The following ZNF311 variants were observed in gnomAD, a reference collection of about 807,000 sequenced individuals.
ZNF311 encodes the protein zinc finger protein 311, also known as zinc finger protein zfp31.
A neutral mutation model predicts 22.7 loss-of-function variants in ZNF311; 14 were observed. The ratio of observed to expected loss-of-function variants is 0.62; its 90% confidence interval spans 0.41 to 0.96. ZNF311 has a LOEUF of 0.96. Among genes scored for constraint, ZNF311 ranks in the 40% least tolerant of loss-of-function variants. The probability of loss-of-function intolerance (pLI) is 0.00; values close to 1 mark genes in which losing one functional copy is unlikely to be tolerated. For synonymous variants in ZNF311, 250 were observed against 275.3 expected, an observed-to-expected ratio of 0.91 and a Z score of 0.91; for missense variants, 731 against 799.0, an observed-to-expected ratio of 0.91 and a Z score of 1.03.
At chr6:29,002,371 T>G (rs1412494437) in intron 3 of ZNF311, among the ~76,000 whole-genome samples, 31 of 152,144 alleles carry the variant, frequency 2.0e-4, no homozygotes, top group Admixed American at 2.0e-3. Context: ...TATAAAAAAT[T>G]TATGTTCTAT....
rs1779403970 is a variant in ZNF311 at position 28,995,644 on chromosome 6, C to A, written c.1358G>T (p.Ser453Ile). Residue 453 changes from serine (S) to isoleucine (I), a missense_variant, in exon 7 of 7, where the codon AGC (serine) becomes ATC (isoleucine). Physicochemically the swap from Ser to Ile is moderately radical, Grantham distance 142. Coordinates refer to ENST00000377179, the MANE Select transcript of ZNF311 (RefSeq NM_001382360.1). This position sits in a 1 kb window ranked among gnomAD's most constrained non-coding sequence, Gnocchi z 4.7. ...YGCPQCGKDF[S>I]IKAELTKHRR... ...GTGTTTGGTGAGTTCTGCCTTGATG[C>A]TGAAGTCTTTTCCACACTGGGGACA... 6.2e-7 allele frequency: 1 copy of A among 1,613,344 alleles called. No individual in the cohort carries two copies. Among genetic ancestry groups the A allele is most frequent in the South Asian group, 1.1e-5 (1 of 91,084 alleles).
intron 5 of ZNF311, 126 bp downstream of exon 5, chr6:28,999,361 G>T: frequency 1.0e-6 from 1 of 978,872 alleles, no homozygotes; most frequent in Non-Finnish European, 1.3e-6. Context: ...CTTAATTTTT[G>T]GGCAAGATCC....
chr6:28,995,338 T>G lies in ZNF311; in HGVS notation c.1664A>C (p.His555Pro). 6.2e-7 allele frequency: 1 copy of G among 1,614,078 alleles called. No individual in the cohort carries two copies. Among genetic ancestry groups the G allele is most frequent in the Non-Finnish European group, 8.5e-7 (1 of 1,180,038 alleles). ...HRRIHTGEKP[H>P]KCEVCGMAFH... is the part of the protein sequence containing the mutation. ...GGCCATTCCACATACCTCACATTTG[T>G]GAGGCTTCTCTCCAGTGTGAATTCT... is the stretch of plus-strand genomic sequence containing the variant. Residue 555 changes from histidine (H) to proline (P), a missense_variant, in exon 7 of 7, where the codon CAC becomes CCC. His to Pro is a moderately conservative substitution (Grantham distance 77). Transcript: ENST00000377179. The surrounding 1 kb of genome is among the most constrained non-coding windows in gnomAD (Gnocchi z 4.7).
chr6:28,995,132 A>T lies in ZNF311; in HGVS notation c.1870T>A (p.Ser624Thr), dbSNP rs1344875821. 48 of 1,613,894 alleles carry T rather than the reference A, an allele frequency of 3.0e-5. No individual in the cohort carries two copies. The East Asian group carries it at 1.0e-3, about 34-fold the overall frequency. Reference protein sequence around the residue: ...EECGKAFRVSSNLTGHKKRKH... With the variant: ...EECGKAFRVSTNLTGHKKRKH... ...CTTTTCTTATGTCCAGTAAGATTTG[A>T]GCTCACTCTAAAAGCTTTTCCACAT... Residue 624 changes from serine to threonine, a missense_variant, in exon 7 of 7, where the codon TCA becomes ACA. Ser to Thr is a moderately conservative substitution (Grantham distance 58, BLOSUM62 1). Coordinates refer to ENST00000377179, the MANE Select transcript of ZNF311 (RefSeq NM_001382360.1). The surrounding 1 kb of genome is among the most constrained non-coding windows in gnomAD (Gnocchi z 4.7).
At chr6:29,003,217 A>G (rs1376279495) in intron 3 of ZNF311, among the ~76,000 whole-genome samples, 1 of 152,194 alleles carries the variant, frequency 6.6e-6, no homozygotes, top group African/African-American at 2.4e-5. Context: ...TATTTACCAT[A>G]TATCTCAGGT....
At chr6:29,005,316 CA>C (rs9280532), upstream of ZNF311, 1,441 of 96,660 alleles carry the variant, frequency 0.015, 8 homozygotes, top group East Asian at 0.044. Flanking sequence ...ACTCCGGTCT[CA>C]AAAAAAAAAA....
chr6:29,005,193 AAC>A lies in ZNF311; in HGVS notation c.-448_-447del. 1 of 152,084 alleles carries A rather than the reference AAC, an allele frequency of 6.6e-6. No individual in the cohort carries two copies. Among genetic ancestry groups the A allele is most frequent in the East Asian group, 1.9e-4 (1 of 5,190 alleles). The allele number at this position is 152,084 out of a possible 1,614,324, so 9.4% of individuals were successfully genotyped here. A position where few individuals can be genotyped will look rare whatever the true frequency, so the allele number is the denominator to read the frequency against. On this transcript the variant is annotated 5_prime_UTR_variant, in exon 1 of 7. Transcript: ENST00000377179. ...TCACAGTTGTATTCTCAACGCCTAA[AAC>A]AGCGCTTGCAATAGTATGTGCTGGA...
At position 28,995,991 on chromosome 6, in the gene ZNF311, C is replaced by G; in HGVS notation, c.1011G>C (p.Gly337=). Reference sequence around the variant, plus strand: ...GACGGTTCCTGGTCTTGAAGGCCTTCCCACAGTCCCTGCACTCGTGAGGCT... The same window carrying G: ...GACGGTTCCTGGTCTTGAAGGCCTTGCCACAGTCCCTGCACTCGTGAGGCT... The part of the protein sequence containing the change: ...GEKPHECRDC[G]KAFKTRNRLC... The change falls in exon 7 of 7, where the codon GGG becomes GGC. Residue 337 remains glycine, a synonymous_variant. Transcript: ENST00000377179. The surrounding 1 kb of genome is among the most constrained non-coding windows in gnomAD (Gnocchi z 4.7). 1 of 1,613,670 alleles carries G rather than the reference C, an allele frequency of 6.2e-7. No homozygotes were observed. Among genetic ancestry groups the G allele is most frequent in the Non-Finnish European group, 8.5e-7 (1 of 1,180,024 alleles).
chr6:28,999,526 C>G lies in ZNF311; in HGVS notation c.271G>C (p.Asp91His). 1 of 1,612,048 alleles carries G rather than the reference C, an allele frequency of 6.2e-7. No homozygotes were observed. The highest frequency in any genetic ancestry group is 8.5e-7 in the Non-Finnish European group (1 of 1,179,488). Residue 91 changes from aspartate (D) to histidine (H), a missense_variant, in exon 5 of 7, where the codon GAT becomes CAT. Asp to His is a moderately conservative substitution (Grantham distance 81). Coordinates refer to ENST00000377179, the MANE Select transcript of ZNF311 (RefSeq NM_001382360.1). ...TTCCCATAATTTTCCAACATCACAT[C>G]CTTATAGAGATGCCTTTGAGCGTAG... The part of the protein sequence containing the change: ...LTYAQRHLYK[D>H]VMLENYGNMV...
chr6:29,003,601 C>A lies in ZNF311; in HGVS notation c.10-7G>T. 1 of 1,612,944 alleles carries A rather than the reference C, an allele frequency of 6.2e-7. No individual in the cohort carries two copies. Among genetic ancestry groups the A allele is most frequent in the Non-Finnish European group, 8.5e-7 (1 of 1,179,988 alleles). ...TCTCATCCAACAGCACAACCTATTG[C>A]AAGACACAGAATGAATTCAGGAAAG... is the stretch of plus-strand genomic sequence containing the variant. On this transcript the variant is annotated splice_region_variant and splice_polypyrimidine_tract_variant and intron_variant, in intron 2 of 6. Coordinates refer to ENST00000377179, the MANE Select transcript of ZNF311 (RefSeq NM_001382360.1).
chr6:28,999,707 T>C (rs1440528541), intron 4 of ZNF311, 94 bp from the exon 5 acceptor site: 17 of 1,495,032 alleles, frequency 1.1e-5, no homozygotes, highest in African/African-American at 2.8e-5. Flanking sequence ...AGGAGGTTTA[T>C]AGAAGTGAAA....
rs1266905054 is a variant in ZNF311 at position 28,996,402 on chromosome 6, C to T, written c.600G>A (p.Arg200=). ...CTTCTTTCTCTTCTCTCAGTTTCTCCCTTATAGATGTTTCCCATTGATTCT... is the reference window on the plus strand; with the variant it reads ...CTTCTTTCTCTTCTCTCAGTTTCTCTCTTATAGATGTTTCCCATTGATTCT... The part of the protein sequence containing the change: ...KLENQWETSI[R]EKLREEKEGS... The change falls in exon 7 of 7, where the codon AGG becomes AGA. Residue 200 remains arginine (R), a synonymous_variant. Transcript: ENST00000377179. 6.2e-7 allele frequency: 1 copy of T among 1,611,218 alleles called. No homozygotes were observed.
intron 4 of ZNF311, 151 bp downstream of exon 4, chr6:28,999,805 C>G: frequency 1.6e-6 from 2 of 1,236,016 alleles, no homozygotes; most frequent in South Asian, 3.0e-5. Flanking sequence ...AGAAAACAAC[C>G]CACAAGTGGT....
chr6:28,998,218 G>A lies in ZNF311; in HGVS notation c.415+516C>T, dbSNP rs1779910484. ...GAGTCTCACTGTGTCCCCCGGGTTG[G>A]AGTGCAGTGGTGTGATCTCAGCTCA... On this transcript the variant is annotated intron_variant, in intron 6 of 6. Transcript: ENST00000377179. 2.7e-5 allele frequency among the ~76,000 whole-genome samples: 4 copies of A among 150,494 alleles called. No homozygotes were observed. In the South Asian group the frequency reaches 8.5e-4, roughly 32 times the overall value.
Position 28,994,931 on chromosome 6 carries a change from CTAATA to C in ZNF311, c.*65_*69del. 6.9e-7 allele frequency: 1 copy of C among 1,444,348 alleles called. No individual in the cohort carries two copies. Among genetic ancestry groups the C allele is most frequent in the Non-Finnish European group, 9.1e-7 (1 of 1,095,124 alleles). The allele number at this position is 1,444,348 out of a possible 1,614,324, so 89.5% of individuals were successfully genotyped here. ...TTAAGGGTCAGGAAATCAGGAATAACTAATATAAGAGACAGAAGGACCAGCCTAAG... is the reference window on the plus strand; with the variant it reads ...TTAAGGGTCAGGAAATCAGGAATAACTAAGAGACAGAAGGACCAGCCTAAG... On this transcript the variant is annotated 3_prime_UTR_variant, in exon 7 of 7. Transcript: ENST00000377179.
intron 3 of ZNF311, among the ~76,000 whole-genome samples, chr6:29,000,828 G>A (rs1263608838): frequency 6.6e-6 from 1 of 151,564 alleles, no homozygotes; most frequent in Non-Finnish European, 1.5e-5. Context: ...CCAGGCTGGA[G>A]TGCAGTGGCG....
At chr6:28,999,833 G>T (rs753538621) in intron 4 of ZNF311, 123 bp downstream of exon 4, 1 of 1,281,770 alleles carries the variant, frequency 7.8e-7, no homozygotes, top group Non-Finnish European at 1.1e-6. Context: ...GCAACAAAAT[G>T]TTCCTTATGA....
chr6:29,000,496 T>C (rs1780299573), intron 3 of ZNF311, among the ~76,000 whole-genome samples: 2 of 152,130 alleles, frequency 1.3e-5, no homozygotes, highest in South Asian at 4.1e-4. Context: ...TGTGCATATG[T>C]GTTGAACAGA....
chr6:28,996,607 T>C, intron 6 of ZNF311, 21 bp from the exon 7 acceptor site: 1 of 1,562,502 alleles, frequency 6.4e-7, no homozygotes, highest in East Asian at 2.2e-5. Context: ...AAAATACAAA[T>C]GTCAGAGGGA....
Sources: gnomAD v4.1 joint callset for allele counts (sites outside exome capture counted in the v4.1 genomes callset) on GRCh38, gnomAD v4.1.1 for gene constraint, Gnocchi (gnomAD v3.1) non-coding constraint, MANE v1.5 for transcripts, NCBI Gene and HGNC (gene_info 2026-07-23, HGNC 2026-07-21) for gene names.